The following CTNNA3 variants were observed in gnomAD, a reference collection of about 807,000 sequenced individuals.
CTNNA3 encodes the protein catenin alpha-3.
Under a neutral mutation model 95.7 loss-of-function variants are expected in CTNNA3, and 76 were observed. That is an observed-to-expected ratio of 0.79 (90% CI 0.66 to 0.96). The LOEUF (loss-of-function observed/expected upper bound fraction) is 0.96, where lower values mean the gene tolerates loss of function less well. Among genes scored for constraint, CTNNA3 ranks in the 40% least tolerant of loss-of-function variants. CTNNA3 has a pLI of 0.00. For synonymous variants in CTNNA3, 431 were observed against 374.4 expected (o/e 1.15, Z -1.74); for missense variants, 1,191 against 1,089.8 (o/e 1.09, Z -1.31).
At chr10:65,999,558 A>G (rs2078730751) in intron 15 of CTNNA3, among the ~76,000 whole-genome samples, 1 of 152,192 alleles carries the variant, frequency 6.6e-6, no homozygotes, top group South Asian at 2.1e-4. Context: ...CATGTTTTTA[A>G]TTAAATGTAT....
chr10:67,739,563 T>C (rs1400053764), intron 1 of CTNNA3, among the ~76,000 whole-genome samples: 1 of 151,524 alleles, frequency 6.6e-6, no homozygotes, highest in African/African-American at 2.4e-5. Flanking sequence ...CACAATTGCT[T>C]CAAAGAGAAT....
intron 14 of CTNNA3, among the ~76,000 whole-genome samples, chr10:66,079,627 A>G (rs2133637737): frequency 6.6e-6 from 1 of 152,040 alleles, no homozygotes; most frequent in African/African-American, 2.4e-5. Flanking sequence ...TTGATAAAAT[A>G]ACAATTTGAG....
intron 7 of CTNNA3, among the ~76,000 whole-genome samples, chr10:67,047,429 G>A (rs931219084): frequency 1.3e-5 from 2 of 152,108 alleles, no homozygotes; most frequent in African/African-American, 2.4e-5. Context: ...TGCTAAGTGT[G>A]AAAGAAAAAC....
chr10:66,255,140 T>C (rs771058459), intron 13 of CTNNA3, among the ~76,000 whole-genome samples: 4 of 152,242 alleles, frequency 2.6e-5, no homozygotes, highest in African/African-American at 4.8e-5. Context: ...ACATCGCAAG[T>C]CACGGACAAG....
In CTNNA3 at chr10:66,634,825, C is replaced by T. The variant is rs376336347; in HGVS notation, c.1282-13041G>A. ...CTGAAAAAGAGGTATCAGTATGCTG[C>T]GTCAGAATGTGCCATCACAAAAGAA... On this transcript the variant is annotated intron_variant, in intron 9 of 17. Coordinates refer to ENST00000433211, the MANE Select transcript of CTNNA3 (RefSeq NM_013266.4). Among the ~76,000 whole-genome samples, 129 of 152,080 alleles carry T rather than the reference C, an allele frequency of 8.5e-4. 1 individual carries two copies. The South Asian group carries it at 0.026, about 31-fold the overall frequency.
chr10:66,431,474 T>G lies in CTNNA3; in HGVS notation c.1532-52122A>C, dbSNP rs566879874. On this transcript the variant is annotated intron_variant, in intron 11 of 17. Transcript: ENST00000433211. Reference sequence around the variant, plus strand: ...ATGTTTATTGTGGCACTATTCACAATAGCAAAGACTTGGAACCAACCCAAA... The same window carrying G: ...ATGTTTATTGTGGCACTATTCACAAGAGCAAAGACTTGGAACCAACCCAAA... 6.6e-5 allele frequency among the ~76,000 whole-genome samples: 10 copies of G among 152,058 alleles called. 1 individual carries two copies. The highest frequency in any genetic ancestry group is 5.2e-4 in the Admixed American group (8 of 15,260).
intron 1 of CTNNA3, among the ~76,000 whole-genome samples, chr10:67,674,832 T>C (rs928619225): frequency 6.6e-6 from 1 of 152,154 alleles, no homozygotes; most frequent in Non-Finnish European, 1.5e-5. Flanking sequence ...TCCCTATATA[T>C]TGTAAATATA....
At chr10:66,559,913 T>C (rs1842501191) in intron 10 of CTNNA3, among the ~76,000 whole-genome samples, 2 of 152,096 alleles carry the variant, frequency 1.3e-5, no homozygotes, top group South Asian at 4.1e-4. Flanking sequence ...GAAGTGTCTG[T>C]CTCCACTTCT....
chr10:66,279,448 T>C lies in CTNNA3; in HGVS notation c.1884+1022A>G, dbSNP rs1015767492. On this transcript the variant is annotated intron_variant, in intron 13 of 17. Coordinates refer to ENST00000433211, the MANE Select transcript of CTNNA3 (RefSeq NM_013266.4). ...CTGCTACCCTGCCTGAGAATTACTT[T>C]CTTTGGCCACAAAAGCTTGATTGGC... is the stretch of plus-strand genomic sequence containing the variant. 4.6e-5 allele frequency among the ~76,000 whole-genome samples: 7 copies of C among 152,208 alleles called. No homozygotes were observed. In the East Asian group the frequency reaches 9.7e-4, roughly 21 times the overall value.
intron 11 of CTNNA3, among the ~76,000 whole-genome samples, chr10:66,409,330 C>T (rs1261672035): frequency 6.6e-6 from 1 of 151,962 alleles, no homozygotes; most frequent in Non-Finnish European, 1.5e-5. Flanking sequence ...ACTTAACATG[C>T]CTTCTGAATT....
chr10:67,500,396 T>G (rs1263181458), intron 5 of CTNNA3, among the ~76,000 whole-genome samples: 1 of 152,264 alleles, frequency 6.6e-6, no homozygotes, highest in East Asian at 1.9e-4. Flanking sequence ...CTGAGAAGAA[T>G]GTACATTCTG....
At chr10:65,935,908 A>C (rs1038261315) in intron 17 of CTNNA3, among the ~76,000 whole-genome samples, 2 of 152,188 alleles carry the variant, frequency 1.3e-5, no homozygotes, top group Admixed American at 1.3e-4. Flanking sequence ...TTATGAATGC[A>C]TATTTTATTG....
chr10:67,374,721 A>C (rs1843625746), intron 5 of CTNNA3, among the ~76,000 whole-genome samples: 1 of 152,234 alleles, frequency 6.6e-6, no homozygotes, highest in African/African-American at 2.4e-5. Context: ...ACTTGAAGGA[A>C]GTAAAGCAGC....
chr10:65,944,631 C>T (rs998800558), intron 17 of CTNNA3, among the ~76,000 whole-genome samples: 5 of 152,140 alleles, frequency 3.3e-5, no homozygotes, highest in Admixed American at 3.3e-4. Context: ...ACTCATATGT[C>T]CATGCATATT....
intron 5 of CTNNA3, among the ~76,000 whole-genome samples, chr10:67,238,303 A>G (rs1865582078): frequency 6.6e-6 from 1 of 152,126 alleles, no homozygotes; most frequent in African/African-American, 2.4e-5. Context: ...TCCAGGGTGA[A>G]TATTACAATA....
intron 3 of CTNNA3, among the ~76,000 whole-genome samples, chr10:67,555,416 CTCT>C (rs906512985): frequency 9.2e-5 from 14 of 152,042 alleles, no homozygotes; most frequent in Admixed American, 3.9e-4. Flanking sequence ...TGTTTGAGTC[CTCT>C]TTTATTTCGT....
chr10:66,542,322 A>G (rs374739476), intron 10 of CTNNA3, among the ~76,000 whole-genome samples: 3 of 152,106 alleles, frequency 2.0e-5, no homozygotes, highest in Non-Finnish European at 4.4e-5. Flanking sequence ...ATTGTGGAAG[A>G]CAGTGTGGTG....
At chr10:66,695,671 G>A (rs903843900) in intron 9 of CTNNA3, among the ~76,000 whole-genome samples, 3 of 152,014 alleles carry the variant, frequency 2.0e-5, no homozygotes, top group African/African-American at 4.8e-5. Context: ...CCTGTTACAG[G>A]TTTGTTGAGA....
intron 11 of CTNNA3, among the ~76,000 whole-genome samples, chr10:66,447,916 C>CA: frequency 6.6e-6 from 1 of 152,258 alleles, no homozygotes; most frequent in East Asian, 1.9e-4. Flanking sequence ...AATATTTTCG[C>CA]AACCTACTCA....
Sources: gnomAD v4.1 joint callset for allele counts (sites outside exome capture counted in the v4.1 genomes callset) on GRCh38, gnomAD v4.1.1 for gene constraint, MANE v1.5 for transcripts, NCBI Gene and HGNC (gene_info 2026-07-23, HGNC 2026-07-21) for gene names.